The following WWOX variants were observed in gnomAD, a reference collection of about 807,000 sequenced individuals.
WWOX encodes the protein WW domain-containing oxidoreductase.
A neutral mutation model predicts 46.2 loss-of-function variants in WWOX; 69 were observed. The observed-to-expected ratio is 1.49, with a 90% CI of 1.23 to 1.82. The LOEUF is 1.82. Among genes scored for constraint, WWOX ranks in the 40% most tolerant of loss-of-function variants. WWOX has a pLI of 0.00. For missense variants in WWOX, 919 were observed against 542.6 expected (o/e 1.69, Z -6.89); for synonymous variants, 359 against 202.6 (o/e 1.77, Z -6.56).
At chr16:78,389,852 C>T (rs989152144) in intron 6 of WWOX, among the ~76,000 whole-genome samples, 9 of 152,118 alleles carry the variant, frequency 5.9e-5, no homozygotes, top group South Asian at 2.1e-4. Flanking sequence ...TGGGTTCAAG[C>T]GATTCTCATG....
At chr16:78,826,484 G>T (rs1302908260) in intron 8 of WWOX, among the ~76,000 whole-genome samples, 1 of 152,206 alleles carries the variant, frequency 6.6e-6, no homozygotes, top group African/African-American at 2.4e-5. Flanking sequence ...GGCTGCTCGT[G>T]ATTGTGGGCT....
At chr16:78,424,097 C>CTTTTT (rs1567564550) in intron 6 of WWOX, among the ~76,000 whole-genome samples, 1 of 122,978 alleles carries the variant, frequency 8.1e-6, no homozygotes, top group Non-Finnish European at 1.7e-5. Flanking sequence ...TTTTTCTTTT[C>CTTTTT]TTTTCTTTTC....
At chr16:78,697,227 A>C (rs192413387) in intron 8 of WWOX, among the ~76,000 whole-genome samples, 1 of 152,276 alleles carries the variant, frequency 6.6e-6, no homozygotes, top group East Asian at 1.9e-4. Context: ...TTAGTTCTTC[A>C]AGAACTCTCC....
intron 8 of WWOX, among the ~76,000 whole-genome samples, chr16:79,078,823 C>G (rs1597354321): frequency 6.6e-6 from 1 of 152,186 alleles, no homozygotes; most frequent in South Asian, 2.1e-4. Context: ...AGACCTATCC[C>G]TAACGGTTAA....
In WWOX at chr16:78,749,824, C is replaced by T. The variant is rs537137261; in HGVS notation, c.1056+317072C>T. Among the ~76,000 whole-genome samples the T allele has an allele frequency of 6.6e-5, 10 of 152,288 alleles. No homozygotes were observed. The South Asian group carries it at 1.2e-3, about 19-fold the overall frequency. On this transcript the variant is annotated intron_variant, in intron 8 of 8. Transcript: ENST00000566780. ...TTAACCAGGCTTTTTATAAACTGTT[C>T]CTCTTAACACCTCAAGCTGACAACC...
intron 8 of WWOX, among the ~76,000 whole-genome samples, chr16:78,600,094 G>T (rs1164230212): frequency 6.6e-6 from 1 of 152,098 alleles, no homozygotes; most frequent in African/African-American, 2.4e-5. Flanking sequence ...CAAAGAGTGA[G>T]CTTGTGCAGG....
At chr16:78,644,886 G>A (rs939041751) in intron 8 of WWOX, among the ~76,000 whole-genome samples, 7 of 152,180 alleles carry the variant, frequency 4.6e-5, no homozygotes, top group Non-Finnish European at 8.8e-5. Context: ...AATCGGGACG[G>A]CATGTTAGGA....
chr16:78,850,040 C>G (rs183780382), intron 8 of WWOX, among the ~76,000 whole-genome samples: 1 of 151,850 alleles, frequency 6.6e-6, no homozygotes, highest in African/African-American at 2.4e-5. Context: ...CCATTGCACT[C>G]CAGCCTGGGC....
At chr16:78,204,779 G>A (rs945792183) in intron 5 of WWOX, among the ~76,000 whole-genome samples, 5 of 152,172 alleles carry the variant, frequency 3.3e-5, no homozygotes, top group Admixed American at 6.5e-5. Context: ...GAGGGGAGGA[G>A]AGAAAAGATG....
At chr16:78,648,846 C>T (rs539247342) in intron 8 of WWOX, among the ~76,000 whole-genome samples, 3 of 152,292 alleles carry the variant, frequency 2.0e-5, no homozygotes, top group Non-Finnish European at 4.4e-5. Context: ...AATAAGTGAC[C>T]TCTATTTGTT....
chr16:78,449,790 T>A (rs1173457145), intron 8 of WWOX, among the ~76,000 whole-genome samples: 1 of 152,208 alleles, frequency 6.6e-6, no homozygotes, highest in East Asian at 1.9e-4. Context: ...TTCATGTTGC[T>A]TTAGTAGAAG....
intron 8 of WWOX, among the ~76,000 whole-genome samples, chr16:79,200,414 G>T (rs2051323809): frequency 6.6e-6 from 1 of 152,144 alleles, no homozygotes; most frequent in Admixed American, 6.5e-5. Context: ...ACGTCAACAA[G>T]AATATGGGTT....
chr16:78,569,258 T>C (rs2044654133), intron 8 of WWOX, among the ~76,000 whole-genome samples: 1 of 152,226 alleles, frequency 6.6e-6, no homozygotes, highest in Non-Finnish European at 1.5e-5. Flanking sequence ...CTCTATATTG[T>C]TATTAAAACA....
At chr16:78,401,842 G>A (rs1350893321) in intron 6 of WWOX, among the ~76,000 whole-genome samples, 1 of 152,084 alleles carries the variant, frequency 6.6e-6, no homozygotes, top group Admixed American at 6.6e-5. Flanking sequence ...TGGGATTACA[G>A]GTGTGCGCCA....
chr16:78,324,348 T>C (rs1286270521), intron 5 of WWOX, among the ~76,000 whole-genome samples: 2 of 152,206 alleles, frequency 1.3e-5, no homozygotes, highest in South Asian at 4.1e-4. Flanking sequence ...TTGGTGGGGA[T>C]GTAAAATGGT....
At chr16:78,454,055 A>C (rs557091716) in intron 8 of WWOX, among the ~76,000 whole-genome samples, 1 of 152,254 alleles carries the variant, frequency 6.6e-6, no homozygotes, top group South Asian at 2.1e-4. Context: ...TTTGATGAAA[A>C]ATCAGTATTT....
intron 5 of WWOX, among the ~76,000 whole-genome samples, chr16:78,288,494 C>T (rs1289956975): frequency 1.3e-5 from 2 of 152,130 alleles, no homozygotes; most frequent in Non-Finnish European, 2.9e-5. Flanking sequence ...GAGCAAGCTT[C>T]TTCCCAATGC....
chr16:78,889,303 C>T (rs554669658), intron 8 of WWOX, among the ~76,000 whole-genome samples: 2 of 151,970 alleles, frequency 1.3e-5, no homozygotes, highest in African/African-American at 4.8e-5. Flanking sequence ...GGTGCATAGT[C>T]AAATGCTTTC....
At chr16:78,688,398 C>G (rs975298254) in intron 8 of WWOX, among the ~76,000 whole-genome samples, 1 of 151,180 alleles carries the variant, frequency 6.6e-6, no homozygotes, top group Non-Finnish European at 1.5e-5. Flanking sequence ...CCTGACAAAT[C>G]CTACTTTTTC....
Sources: allele counts gnomAD v4.1 joint callset (sites outside exome capture counted in the v4.1 genomes callset), GRCh38; gene constraint gnomAD v4.1.1; transcripts MANE v1.5; gene names NCBI Gene and HGNC (gene_info 2026-07-23, HGNC 2026-07-21).